The following CLNK variants were observed in gnomAD, a reference collection of about 807,000 sequenced individuals.
CLNK encodes the protein cytokine dependent hematopoietic cell linker.
A neutral mutation model predicts 68.6 loss-of-function variants in CLNK; 74 were observed. That is an observed-to-expected ratio of 1.08 (90% confidence interval 0.89 to 1.31). The LOEUF is 1.31. Ranked by LOEUF, CLNK falls within the 50% of genes most tolerant of loss-of-function variation. The pLI, the probability that CLNK is intolerant of heterozygous loss-of-function variation, is 0.00. For synonymous variants in CLNK, 198 were observed against 172.2 expected (o/e 1.15, Z -1.17); for missense variants, 553 against 515.3 (o/e 1.07, Z -0.71).
intron 18 of CLNK, among the ~76,000 whole-genome samples, chr4:10,491,659 T>A (rs1716577107): frequency 6.6e-6 from 1 of 152,208 alleles, no homozygotes; most frequent in Non-Finnish European, 1.5e-5. Flanking sequence ...TGGGCTATGT[T>A]ATGGGTCATT....
At chr4:10,587,405 T>G (rs1396507718) in intron 3 of CLNK, among the ~76,000 whole-genome samples, 1 of 152,220 alleles carries the variant, frequency 6.6e-6, no homozygotes, top group Non-Finnish European at 1.5e-5. Flanking sequence ...GCTACTTCGG[T>G]GAGCTTACTT....
intron 11 of CLNK, among the ~76,000 whole-genome samples, chr4:10,537,547 G>A (rs542363128): frequency 2.6e-5 from 4 of 152,006 alleles, no homozygotes; most frequent in Admixed American, 6.5e-5. Context: ...TAATTCTGCC[G>A]AGAACAGATG....
At chr4:10,687,201 G>A (rs899963526), upstream of CLNK, among the ~76,000 whole-genome samples, 1 of 128,720 alleles carries the variant, frequency 7.8e-6, no homozygotes, top group Non-Finnish European at 1.7e-5. Flanking sequence ...GGGATATAGA[G>A]GTGAAAAAAA....
chr4:10,529,230 A>C (rs566452090), intron 12 of CLNK, among the ~76,000 whole-genome samples: 1 of 152,186 alleles, frequency 6.6e-6, no homozygotes, highest in African/African-American at 2.4e-5. Context: ...TTTTTTCTCT[A>C]TAAGTATGTG....
chr4:10,647,307 T>G (rs2108879708), intron 2 of CLNK, among the ~76,000 whole-genome samples: 1 of 152,296 alleles, frequency 6.6e-6, no homozygotes, highest in East Asian at 1.9e-4. Flanking sequence ...TCAGGCTTGT[T>G]GGAGGTCCTT....
chr4:10,514,672 A>T (rs1371323343), intron 15 of CLNK, among the ~76,000 whole-genome samples: 1 of 151,308 alleles, frequency 6.6e-6, no homozygotes, highest in African/African-American at 2.4e-5. Context: ...AGGCATTACC[A>T]TTCAGGACAT....
chr4:10,637,053 C>A (rs1723119052), intron 2 of CLNK, among the ~76,000 whole-genome samples: 1 of 152,162 alleles, frequency 6.6e-6, no homozygotes, highest in South Asian at 2.1e-4. Context: ...GTGCCCATTG[C>A]AGATAGACTG....
Position 10,523,185 on chromosome 4 carries a change from C to T in CLNK, c.732-2354G>A, listed in dbSNP as rs192631869. ...AAAATGGGTGGGATAGGAAGAGTGA[C>T]GATGGGAAAGAGAGCTTACTGAGTT... On this transcript the variant is annotated intron_variant, in intron 14 of 18. Transcript: ENST00000226951. Among the ~76,000 whole-genome samples, 33 of 152,168 alleles carry T rather than the reference C, an allele frequency of 2.2e-4. No individual in the cohort carries two copies. The East Asian group carries it at 3.9e-3, about 18-fold the overall frequency.
intron 10 of CLNK, 65 bp downstream of exon 10, chr4:10,541,957 T>G (rs1719049150): frequency 8.2e-7 from 1 of 1,225,008 alleles, no homozygotes; most frequent in African/African-American, 1.5e-5. Flanking sequence ...GTTTCTCTTT[T>G]TCAGATGCTG....
chr4:10,725,824 A>G, the CLNK span, among the ~76,000 whole-genome samples: 46 of 151,862 alleles, frequency 3.0e-4, 1 homozygote, highest in South Asian at 3.3e-3. Context: ...ACTGCACTCC[A>G]GCCTGGGCGA....
chr4:10,566,865 A>T (rs1720139003), intron 5 of CLNK, among the ~76,000 whole-genome samples: 1 of 152,086 alleles, frequency 6.6e-6, no homozygotes, highest in Admixed American at 6.6e-5. Context: ...CAATAGCATC[A>T]AGGAGAATAA....
At chr4:10,597,608 A>G (rs1409334146) in intron 3 of CLNK, among the ~76,000 whole-genome samples, 1 of 152,156 alleles carries the variant, frequency 6.6e-6, no homozygotes, top group Non-Finnish European at 1.5e-5. Flanking sequence ...GCTTGCTGTG[A>G]GGCTCCAAGG....
rs570861645 is a variant in CLNK, at chr4:10,600,546, TG to T, written c.12-2498del. 5.9e-5 allele frequency among the ~76,000 whole-genome samples: 9 copies of T among 152,324 alleles called. No homozygotes were observed. In the East Asian group the frequency reaches 1.7e-3, roughly 29 times the overall value. The stretch of plus-strand genomic sequence containing the variant: ...TACATGCATTCATTATGCATGTACA[TG>T]TCCATATCCCCTTGCATTGGAGCCT... On this transcript the variant is annotated intron_variant, in intron 2 of 18. Transcript: ENST00000226951.
intron 1 of CLNK, among the ~76,000 whole-genome samples, chr4:10,676,636 A>G (rs1577214539): frequency 6.6e-6 from 1 of 151,954 alleles, no homozygotes; most frequent in Non-Finnish European, 1.5e-5. Flanking sequence ...TTTAAAAACC[A>G]TTTCCTTTTT....
At chr4:10,639,712 C>T (rs1723234102) in intron 2 of CLNK, among the ~76,000 whole-genome samples, 1 of 152,216 alleles carries the variant, frequency 6.6e-6, no homozygotes, top group South Asian at 2.1e-4. Context: ...GTACTAGTCA[C>T]ATTTTTAAGT....
intron 2 of CLNK, among the ~76,000 whole-genome samples, chr4:10,624,337 C>A (rs897691728): frequency 3.9e-5 from 6 of 152,116 alleles, no homozygotes; most frequent in Non-Finnish European, 7.3e-5. Flanking sequence ...GACGGAGTCT[C>A]GCTCTGCTGC....
chr4:10,680,595 A>G (rs1725060044), intron 1 of CLNK, among the ~76,000 whole-genome samples: 1 of 152,224 alleles, frequency 6.6e-6, no homozygotes, highest in African/African-American at 2.4e-5. Flanking sequence ...AAATAAACTC[A>G]TAATAATAAT....
chr4:10,642,268 C>T (rs149573582), intron 2 of CLNK, among the ~76,000 whole-genome samples: 13 of 152,280 alleles, frequency 8.5e-5, no homozygotes, highest in Admixed American at 3.9e-4. Context: ...TGACAAGTCT[C>T]AGAATTGTGC....
At chr4:10,582,982 A>T (rs1050387059) in intron 4 of CLNK, among the ~76,000 whole-genome samples, 3 of 152,182 alleles carry the variant, frequency 2.0e-5, no homozygotes, top group Non-Finnish European at 4.4e-5. Context: ...CAACATATCC[A>T]TGGCAATGAA....
Sources: allele counts gnomAD v4.1 joint callset (sites outside exome capture counted in the v4.1 genomes callset), GRCh38; gene constraint gnomAD v4.1.1; transcripts MANE v1.5; gene names NCBI Gene and HGNC (gene_info 2026-07-23, HGNC 2026-07-21).